The following ELF4 variants were observed in gnomAD, a reference collection of about 807,000 sequenced individuals.
ELF4 encodes the protein E74 like ETS transcription factor 4, also known as ETS-related transcription factor Elf-4.
Under a neutral mutation model 31.7 loss-of-function variants are expected in ELF4, and 10 were observed. The ratio of observed to expected loss-of-function variants is 0.32; its 90% CI spans 0.19 to 0.54. The LOEUF (loss-of-function observed/expected upper bound fraction) is 0.54. Ranked by LOEUF, ELF4 falls within the 20% of genes least tolerant of loss-of-function variation. ELF4 has a pLI of 0.95. For missense variants in ELF4, 418 were observed against 522.0 expected (o/e 0.80, Z 1.94); for synonymous variants, 208 against 226.7 (o/e 0.92, Z 0.74).
intron 1 of ELF4, among the ~76,000 whole-genome samples, chrX:130,098,920 G>T (rs1169197241): frequency 1.8e-5 from 2 of 112,109 alleles, no homozygotes; most frequent in Non-Finnish European, 3.8e-5. Flanking sequence ...TCCAGACTGG[G>T]CTCATCTTCC....
intron 1 of ELF4, among the ~76,000 whole-genome samples, chrX:130,089,884 A>C (rs143127788): frequency 0.011 from 1,222 of 112,225 alleles, 14 homozygotes; most frequent in African/African-American, 0.038. Context: ...AGGTCACTTG[A>C]GGTCAGGAGT....
At chrX:130,103,651 C>G (rs1366920255) in intron 1 of ELF4, among the ~76,000 whole-genome samples, 5 of 112,067 alleles carry the variant, frequency 4.5e-5, no homozygotes, top group African/African-American at 1.6e-4. Context: ...CATTCTATGT[C>G]TAAATACCTC....
chrX:130,091,653 G>A (rs1349713543), intron 1 of ELF4, among the ~76,000 whole-genome samples: 1 of 111,036 alleles, frequency 9.0e-6, no homozygotes, highest in Non-Finnish European at 1.9e-5. Flanking sequence ...GCAGGGAGGT[G>A]TGGGATGCCA....
chrX:130,102,933 AGGG>A (rs1933305995), intron 1 of ELF4, among the ~76,000 whole-genome samples: 1 of 102,654 alleles, frequency 9.7e-6, no homozygotes, highest in Admixed American at 1.1e-4. Context: ...AGAGAGAAGG[AGGG>A]AGGGAGGAAG....
intron 1 of ELF4, among the ~76,000 whole-genome samples, chrX:130,104,149 A>C (rs1933332012): frequency 9.0e-6 from 1 of 111,382 alleles, no homozygotes; most frequent in African/African-American, 3.3e-5. Context: ...AAACTAACTT[A>C]CTCTTATTTC....
In ELF4 at chrX:130,065,101, C is replaced by T. The variant is rs115478475; in HGVS notation, c.*1620G>A. The T allele has an allele frequency of 3.2e-3, 558 of 173,183 alleles. 5 individuals are homozygous for T. Among genetic ancestry groups the T allele is most frequent in the African/African-American group, 0.015 (504 of 33,816 alleles). The allele number at this position is 173,183 out of a possible 1,213,427, so 14.3% of individuals were successfully genotyped here. On this transcript the variant is annotated 3_prime_UTR_variant, in exon 9 of 9. Coordinates refer to ENST00000308167, the MANE Select transcript of ELF4 (RefSeq NM_001421.4). ...AACAAAGAAGAGAAGAGCGAGAGCG[C>T]GGCCAGGGGAGGTAGTTAGGTCAAG...
rs913523796 is a variant in ELF4 at position 130,063,959 on chromosome X, T to A, written c.*2762A>T. The stretch of plus-strand genomic sequence containing the variant: ...AATAGGCAAGTCGTGACGGCCTTTT[T>A]GTTTGCTTGATTTTTATTATTATTA... On this transcript the variant is annotated 3_prime_UTR_variant, in exon 9 of 9. Transcript: ENST00000308167. 1.1e-4 allele frequency among the ~76,000 whole-genome samples: 10 copies of A among 94,635 alleles called. No individual in the cohort carries two copies. 82.2% of individuals were successfully genotyped at this position (94,635 alleles called of 115,157 possible). A position where few individuals can be genotyped will look rare whatever the true frequency, so the allele number is the denominator to read the frequency against.
At chrX:130,104,378 A>C (rs1933339410) in intron 1 of ELF4, among the ~76,000 whole-genome samples, 1 of 110,025 alleles carries the variant, frequency 9.1e-6, no homozygotes, top group South Asian at 3.9e-4. Context: ...AAGCAGAAAA[A>C]CCTGGAAAAT....
intron 1 of ELF4, among the ~76,000 whole-genome samples, chrX:130,102,923 AGAGAG>A (rs1933304058): frequency 9.5e-6 from 1 of 104,969 alleles, no homozygotes; most frequent in African/African-American, 3.5e-5. Context: ...AGAAAGAAAG[AGAGAG>A]AAGGAGGGAG....
chrX:130,077,193 C>A (rs1932841873), intron 2 of ELF4, among the ~76,000 whole-genome samples: 1 of 111,881 alleles, frequency 8.9e-6, no homozygotes, highest in Admixed American at 9.5e-5. Context: ...AAATTTATTT[C>A]TTCAATTGCA....
At chrX:130,076,224 T>A (rs938327278) in intron 2 of ELF4, among the ~76,000 whole-genome samples, 6 of 110,985 alleles carry the variant, frequency 5.4e-5, no homozygotes, top group Non-Finnish European at 9.5e-5. Context: ...GTGTTTTTTT[T>A]AAAAAAACTC....
chrX:130,067,501 G>A lies in ELF4; in HGVS notation c.1212C>T (p.Ile404=). ...ACCCCACGGGGGCCACTCCTAGGTG[G>A]ATGTTGCTGGGCACTGAAGATGCAC... is the stretch of plus-strand genomic sequence containing the variant. ...AVSASSVPSN[I]HLGVAPVGSG... is the part of the protein sequence containing the mutation. Residue 404 remains isoleucine (I), a synonymous_variant, in exon 9 of 9, where the codon ATC becomes ATT. Transcript: ENST00000308167. The A allele has an allele frequency of 8.2e-7, 1 of 1,212,124 alleles. No homozygotes were observed. The highest frequency in any genetic ancestry group is 3.0e-5 in the East Asian group (1 of 33,866).
chrX:130,070,886 G>A (rs1326546636), intron 7 of ELF4, among the ~76,000 whole-genome samples, 154 bp downstream of exon 7: 6 of 110,600 alleles, frequency 5.4e-5, no homozygotes, highest in Non-Finnish European at 9.5e-5. Context: ...GGGGGCCTGG[G>A]GAACAGACAT....
At chrX:130,090,984 T>C (rs941658255) in intron 1 of ELF4, among the ~76,000 whole-genome samples, 10 of 111,554 alleles carry the variant, frequency 9.0e-5, no homozygotes, top group Admixed American at 3.8e-4. Flanking sequence ...GGCTAACTTT[T>C]TGTATTTTTT....
intron 1 of ELF4, among the ~76,000 whole-genome samples, chrX:130,087,971 C>G (rs1358830783): frequency 9.0e-6 from 1 of 111,683 alleles, no homozygotes; most frequent in Non-Finnish European, 1.9e-5. Flanking sequence ...GAGAGAGGAA[C>G]ATTGCTTGGG....
chrX:130,070,813 AAG>A (rs1306721553), intron 7 of ELF4, among the ~76,000 whole-genome samples: 3 of 104,240 alleles, frequency 2.9e-5, no homozygotes, highest in African/African-American at 6.9e-5. Context: ...GAAAGAAAGA[AAG>A]AAAAAGGAAA....
In ELF4 at chrX:130,064,005, AT is replaced by A. The variant is rs1556172183; in HGVS notation, c.*2715del. 9.6e-6 allele frequency among the ~76,000 whole-genome samples: 1 copy of A among 104,549 alleles called. No individual in the cohort carries two copies. The highest frequency in any genetic ancestry group is 3.5e-5 in the African/African-American group (1 of 28,708). 90.8% of individuals were successfully genotyped at this position (104,549 alleles called of 115,157 possible). Reference sequence around the variant, plus strand: ...TATTATTATTATTATTATTATTATTATTATTATACTTTAAGTTCTGGGATAC... The same window carrying A: ...TATTATTATTATTATTATTATTATTATATTATACTTTAAGTTCTGGGATAC... On this transcript the variant is annotated 3_prime_UTR_variant, in exon 9 of 9. Transcript: ENST00000308167.
At chrX:130,088,027 A>T (rs1177037301) in intron 1 of ELF4, among the ~76,000 whole-genome samples, 3 of 110,936 alleles carry the variant, frequency 2.7e-5, no homozygotes. Flanking sequence ...AGAACTTAAT[A>T]TGGAAAGCGA....
intron 2 of ELF4, among the ~76,000 whole-genome samples, chrX:130,080,312 T>A: frequency 9.2e-6 from 1 of 108,139 alleles, no homozygotes; most frequent in Non-Finnish European, 1.9e-5. Context: ...TAATCCTAGC[T>A]ACTTGGGAGG....
Sources: allele counts gnomAD v4.1 joint callset (sites outside exome capture counted in the v4.1 genomes callset), GRCh38; gene constraint gnomAD v4.1.1; transcripts MANE v1.5; gene names NCBI Gene and HGNC (gene_info 2026-07-23, HGNC 2026-07-21).